Variants in MAGI1 observed in about 807,000 individuals in gnomAD.
MAGI1 encodes the protein membrane associated guanylate kinase, WW and PDZ domain containing 1.
MAGI1 carries 58 observed loss-of-function variants against 139.9 expected under a neutral mutation model. That is an observed-to-expected ratio of 0.41 (90% CI 0.34 to 0.52). The LOEUF (loss-of-function observed/expected upper bound fraction) is 0.52, where lower values mean the gene tolerates loss of function less well. Among genes scored for constraint, MAGI1 ranks in the 20% least tolerant of loss-of-function variants. The pLI is 0.12. For synonymous variants in MAGI1, 812 were observed against 737.9 expected, an observed-to-expected ratio of 1.10 and a Z score of -1.63; for missense variants, 1,874 against 1,901.6, an observed-to-expected ratio of 0.99 and a Z score of 0.27.
At chr3:65,593,628 G>A (rs528255365) in intron 2 of MAGI1, among the ~76,000 whole-genome samples, 1 of 151,998 alleles carries the variant, frequency 6.6e-6, no homozygotes, top group Admixed American at 6.6e-5. Context: ...GCATTGCTTT[G>A]ATAATTACAA....
At position 65,469,484 on chromosome 3, in the gene MAGI1, C is replaced by CT. The variant is rs1257267518; in HGVS notation, c.959+798dup. 1.6e-4 allele frequency among the ~76,000 whole-genome samples: 23 copies of CT among 146,938 alleles called. No individual in the cohort carries two copies. The East Asian group carries it at 1.6e-3, about 10-fold the overall frequency. ...TTTCCAGAATGGTTTCAAATGTCGG[C>CT]TTTTTTTTTTCCTTTTCAGAAAAGC... On this transcript the variant is annotated intron_variant, in intron 5 of 22. Transcript: ENST00000402939.
intron 1 of MAGI1, among the ~76,000 whole-genome samples, chr3:66,020,788 A>T (rs1213793761): frequency 6.6e-6 from 1 of 152,144 alleles, no homozygotes; most frequent in Middle Eastern, 3.2e-3. Context: ...AAAATACTCA[A>T]GTTGAAATCA....
At chr3:65,633,328 T>G (rs1001854803) in intron 1 of MAGI1, among the ~76,000 whole-genome samples, 1 of 152,172 alleles carries the variant, frequency 6.6e-6, no homozygotes, top group African/African-American at 2.4e-5. Flanking sequence ...CAAAGACTAT[T>G]GTTCTTTTAG....
chr3:65,913,778 A>G (rs2061772985), intron 1 of MAGI1, among the ~76,000 whole-genome samples: 1 of 152,248 alleles, frequency 6.6e-6, no homozygotes, highest in Non-Finnish European at 1.5e-5. Flanking sequence ...CAGAGGAAAT[A>G]CAGGGAGGAG....
chr3:65,515,720 A>G (rs1047749680), intron 2 of MAGI1, among the ~76,000 whole-genome samples: 1 of 152,208 alleles, frequency 6.6e-6, no homozygotes, highest in African/African-American at 2.4e-5. Flanking sequence ...AATTCTGGGA[A>G]TCTTCAGCCA....
intron 2 of MAGI1, among the ~76,000 whole-genome samples, chr3:65,596,139 T>G (rs2082183930): frequency 6.6e-6 from 1 of 152,182 alleles, no homozygotes; most frequent in Non-Finnish European, 1.5e-5. Flanking sequence ...AACAACAGTT[T>G]TTCAGAAAGT....
chr3:65,611,711 GTA>G, intron 2 of MAGI1, among the ~76,000 whole-genome samples: 1 of 148,488 alleles, frequency 6.7e-6, no homozygotes, highest in Non-Finnish European at 1.5e-5. Context: ...ACAGTATATA[GTA>G]TATGTTTATA....
chr3:65,990,148 T>C (rs1484329539), intron 1 of MAGI1, among the ~76,000 whole-genome samples: 2 of 151,962 alleles, frequency 1.3e-5, no homozygotes, highest in African/African-American at 4.8e-5. Context: ...TGGCAAGACC[T>C]GAGTGAGATT....
intron 1 of MAGI1, among the ~76,000 whole-genome samples, chr3:65,796,839 T>C (rs761356634): frequency 2.0e-5 from 3 of 152,170 alleles, no homozygotes; most frequent in Admixed American, 6.5e-5. Flanking sequence ...ACATGACAAA[T>C]GGGAATGGCT....
chr3:65,978,935 A>C (rs2065406859), intron 1 of MAGI1, among the ~76,000 whole-genome samples: 1 of 151,966 alleles, frequency 6.6e-6, no homozygotes, highest in Non-Finnish European at 1.5e-5. Context: ...CTCAGCTCTT[A>C]ATTTCTTCAT....
chr3:65,602,077 A>T (rs1489304454), intron 2 of MAGI1, among the ~76,000 whole-genome samples: 1 of 152,142 alleles, frequency 6.6e-6, no homozygotes, highest in Non-Finnish European at 1.5e-5. Context: ...AAGGACAAGT[A>T]AGTAACGATG....
intron 1 of MAGI1, among the ~76,000 whole-genome samples, chr3:65,800,055 T>A (rs2040416821): frequency 6.6e-6 from 1 of 152,270 alleles, no homozygotes; most frequent in African/African-American, 2.4e-5. Context: ...CTTACTTTGC[T>A]GAATGGCGTT....
intron 2 of MAGI1, chr3:65,619,987 A>G: frequency 1.0e-6 from 1 of 985,446 alleles, no homozygotes; most frequent in African/African-American, 1.7e-5. Context: ...TTTTTAAAAG[A>G]CAGAGTTCGT....
intron 1 of MAGI1, among the ~76,000 whole-genome samples, chr3:65,985,904 C>T (rs1223182811): frequency 6.6e-6 from 1 of 152,152 alleles, no homozygotes; most frequent in Non-Finnish European, 1.5e-5. Flanking sequence ...TAAACTAGTG[C>T]CCCATTTGAA....
intron 1 of MAGI1, among the ~76,000 whole-genome samples, chr3:65,979,538 G>T (rs563294002): frequency 6.6e-6 from 1 of 152,128 alleles, no homozygotes; most frequent in African/African-American, 2.4e-5. Flanking sequence ...TTGCTTCAGG[G>T]AATTTTAATG....
intron 2 of MAGI1, among the ~76,000 whole-genome samples, chr3:65,504,121 TC>T (rs1255181240): frequency 6.6e-6 from 1 of 152,194 alleles, no homozygotes; most frequent in East Asian, 1.9e-4. Context: ...GAAGAACCAG[TC>T]TTGATCCAGC....
In MAGI1 at chr3:65,470,427, T is replaced by A. The variant is rs776343084; in HGVS notation, c.815A>T (p.Asn272Ile). Residue 272 changes from asparagine (N) to isoleucine (I), a missense_variant, in exon 5 of 23, where the codon AAT (asparagine) becomes ATT (isoleucine). Asn to Ile is a moderately radical substitution (Grantham distance 149). Around this residue, in one of 5 missense-constraint regions of MAGI1, gnomAD observed 648 missense variants for 598.1 expected, o/e 1.08. Transcript: ENST00000402939. ...GATGGGAGCAGCGATGATGCTACTA[T>A]TCACAGGTGGTAATGCTGTTTCTTG... ...TLQETALPPV[N>I]SSIIAAPITD... The A allele has an allele frequency of 4.3e-6, 7 of 1,613,942 alleles. No homozygotes were observed. Among genetic ancestry groups the A allele is most frequent in the Non-Finnish European group, 5.9e-6 (7 of 1,179,962 alleles).
intron 2 of MAGI1, among the ~76,000 whole-genome samples, chr3:65,522,713 A>G (rs1158372187): frequency 6.6e-6 from 1 of 152,132 alleles, no homozygotes; most frequent in Non-Finnish European, 1.5e-5. Context: ...GGGTACTTTT[A>G]GCTCCCCACA....
intron 22 of MAGI1, chr3:65,359,339 C>T: frequency 7.2e-7 from 1 of 1,389,060 alleles, no homozygotes; most frequent in Non-Finnish European, 9.3e-7. Context: ...AATAAGGCTG[C>T]AGAGACCGCA....
Sources: allele counts gnomAD v4.1 joint callset (sites outside exome capture counted in the v4.1 genomes callset), GRCh38; gene constraint gnomAD v4.1.1; regional missense constraint gnomAD v4.1.1; transcripts MANE v1.5; gene names NCBI Gene and HGNC (gene_info 2026-07-23, HGNC 2026-07-21).